The following MGAT5 variants were observed in gnomAD, a reference collection of about 807,000 sequenced individuals.
MGAT5 encodes the protein alpha-1,6-mannosylglycoprotein 6-beta-N-acetylglucosaminyltransferase A.
A neutral mutation model predicts 94.3 loss-of-function variants in MGAT5; 30 were observed. The ratio of observed to expected loss-of-function variants is 0.32; its 90% CI spans 0.24 to 0.43. The LOEUF (loss-of-function observed/expected upper bound fraction) is 0.43, where lower values mean the gene tolerates loss of function less well. Ranked by LOEUF, MGAT5 falls within the 20% of genes least tolerant of loss-of-function variation. The probability of loss-of-function intolerance (pLI) is 1.00; values close to 1 mark genes in which losing one functional copy is unlikely to be tolerated. For missense variants in MGAT5, 691 were observed against 905.5 expected (o/e 0.76, Z 3.04); for synonymous variants, 310 against 322.9 (o/e 0.96, Z 0.43).
chr2:134,423,179 G>C (rs1684392659), intron 13 of MGAT5, among the ~76,000 whole-genome samples: 1 of 152,196 alleles, frequency 6.6e-6, no homozygotes, highest in Admixed American at 6.5e-5. Flanking sequence ...CACAGGAGCA[G>C]GAACTGGAGT....
intron 5 of MGAT5, among the ~76,000 whole-genome samples, chr2:134,337,336 G>A (rs747831323): frequency 2.8e-4 from 43 of 152,150 alleles, no homozygotes; most frequent in Non-Finnish European, 4.0e-4. Flanking sequence ...CTAGCTGAGC[G>A]TGGTGGCGAG....
At chr2:134,396,957 GGGA>G (rs1682749803) in intron 10 of MGAT5, among the ~76,000 whole-genome samples, 1 of 152,238 alleles carries the variant, frequency 6.6e-6, no homozygotes, top group Non-Finnish European at 1.5e-5. Context: ...AAGAAAAGGA[GGGA>G]GGAGAGAAGG....
In MGAT5 at chr2:134,315,317, G is replaced by A. The variant is rs558205700; in HGVS notation, c.407-2212G>A. Among the ~76,000 whole-genome samples the A allele has an allele frequency of 6.6e-5, 10 of 152,272 alleles. No homozygotes were observed. In the South Asian group the frequency reaches 2.1e-3, roughly 32 times the overall value. On this transcript the variant is annotated intron_variant, in intron 2 of 15. Coordinates refer to ENST00000281923, the MANE Select transcript of MGAT5 (RefSeq NM_002410.5). ...TACCAACCCCAGGCTCTCATAGACTGTGCCTAATTTTGTGGAACCTCTGCT... is the reference window on the plus strand; with the variant it reads ...TACCAACCCCAGGCTCTCATAGACTATGCCTAATTTTGTGGAACCTCTGCT...
chr2:134,131,268 G>A (rs1410528929), intron 1 of MGAT5, among the ~76,000 whole-genome samples: 6 of 152,210 alleles, frequency 3.9e-5, no homozygotes, highest in Non-Finnish European at 8.8e-5. Flanking sequence ...AGGGTCCGCG[G>A]CTTCATTCTT....
chr2:134,444,524 C>T (rs60373617), intron 15 of MGAT5, among the ~76,000 whole-genome samples: 6,376 of 152,258 alleles, frequency 0.042, 167 homozygotes, highest in East Asian at 0.15. Flanking sequence ...GTTGTAAAAC[C>T]CCTGCTATCT....
At chr2:134,440,453 A>G (rs1558888934) in intron 14 of MGAT5, among the ~76,000 whole-genome samples, 1 of 152,034 alleles carries the variant, frequency 6.6e-6, no homozygotes, top group Non-Finnish European at 1.5e-5. Flanking sequence ...CCTGAGGTGA[A>G]CTGGCGTGTC....
At chr2:134,232,853 A>G (rs1282607447) in intron 1 of MGAT5, among the ~76,000 whole-genome samples, 1 of 152,166 alleles carries the variant, frequency 6.6e-6, no homozygotes, top group Non-Finnish European at 1.5e-5. Flanking sequence ...GTCTTCTTGT[A>G]TGTACATGTG....
chr2:134,371,143 G>A (rs1390940519), intron 10 of MGAT5, among the ~76,000 whole-genome samples: 6 of 152,086 alleles, frequency 3.9e-5, no homozygotes, highest in Non-Finnish European at 2.9e-5. Flanking sequence ...AGTTGGAGGC[G>A]GCTTGGGTGG....
intron 1 of MGAT5, among the ~76,000 whole-genome samples, chr2:134,228,245 T>G (rs1236910091): frequency 6.6e-6 from 1 of 152,160 alleles, no homozygotes; most frequent in Non-Finnish European, 1.5e-5. Flanking sequence ...AAGGTGTTTC[T>G]TGGAAGGGGA....
chr2:134,174,743 ATATCT>A (rs1386903647), intron 1 of MGAT5, among the ~76,000 whole-genome samples: 1 of 152,260 alleles, frequency 6.6e-6, no homozygotes, highest in Non-Finnish European at 1.5e-5. Flanking sequence ...TTGGTCAGTC[ATATCT>A]TATAAAAGGC....
rs570128770 is a variant in MGAT5 at position 134,352,078 on chromosome 2, C to G, written c.1246+2140C>G. On this transcript the variant is annotated intron_variant, in intron 9 of 15. Coordinates refer to ENST00000281923, the MANE Select transcript of MGAT5 (RefSeq NM_002410.5). ...ATTCTGATGGTGCAGTGAGCAAAAC[C>G]AGCCCTCTTCAACCCTAGTGGTTAG... Among the ~76,000 whole-genome samples, 16 of 152,262 alleles carry G rather than the reference C, an allele frequency of 1.1e-4. 1 individual carries two copies. The South Asian group carries it at 3.3e-3, about 32-fold the overall frequency.
intron 1 of MGAT5, among the ~76,000 whole-genome samples, chr2:134,266,008 A>C (rs2105601084): frequency 6.6e-6 from 1 of 151,822 alleles, no homozygotes; most frequent in Non-Finnish European, 1.5e-5. Flanking sequence ...TCTCTACTAA[A>C]AATACAAAAA....
At chr2:134,267,552 A>AGAT (rs3838496) in intron 1 of MGAT5, among the ~76,000 whole-genome samples, 11,235 of 152,270 alleles carry the variant, frequency 0.074, 541 homozygotes, top group East Asian at 0.16. Context: ...AATCTTTGGC[A>AGAT]GATGGGGTCA....
At chr2:134,191,747 C>T (rs1264113135) in intron 1 of MGAT5, among the ~76,000 whole-genome samples, 1 of 137,210 alleles carries the variant, frequency 7.3e-6, no homozygotes, top group Non-Finnish European at 1.6e-5. Context: ...TCCTCCTCCT[C>T]CTCCTTGCGC....
intron 10 of MGAT5, among the ~76,000 whole-genome samples, chr2:134,363,759 T>G (rs967355771): frequency 6.6e-6 from 1 of 152,244 alleles, no homozygotes; most frequent in Admixed American, 6.5e-5. Flanking sequence ...TCAAGTAAAA[T>G]GAAAGTCAGT....
At chr2:134,360,989 G>A (rs533954941) in intron 9 of MGAT5, among the ~76,000 whole-genome samples, 1 of 152,312 alleles carries the variant, frequency 6.6e-6, no homozygotes, top group African/African-American at 2.4e-5. Context: ...CACAGCTCAG[G>A]GCTTCCTGCC....
chr2:134,137,143 T>C lies in MGAT5; in HGVS notation c.-143+16852T>C, dbSNP rs557730351. ...CTAAATACACATTAACCCCCTGTTT[T>C]CCTCTTGGTATGCTTTAAGGTTATA... On this transcript the variant is annotated intron_variant, in intron 1 of 16. Transcript: ENST00000409645. Among the ~76,000 whole-genome samples, 4 of 152,358 alleles carry C rather than the reference T, an allele frequency of 2.6e-5. No individual in the cohort carries two copies. In the East Asian group the frequency reaches 7.7e-4, roughly 29 times the overall value.
At chr2:134,177,558 C>T (rs951146623) in intron 1 of MGAT5, among the ~76,000 whole-genome samples, 4 of 152,236 alleles carry the variant, frequency 2.6e-5, no homozygotes, top group African/African-American at 9.6e-5. Flanking sequence ...GCATTCCTCT[C>T]GCCTGCCCTT....
intron 1 of MGAT5, among the ~76,000 whole-genome samples, chr2:134,255,132 T>C (rs974006102): frequency 1.3e-5 from 2 of 152,190 alleles, no homozygotes; most frequent in Non-Finnish European, 2.9e-5. Context: ...TGCATGCTGG[T>C]GAGTTTTAAC....
Sources: gnomAD v4.1 joint callset for allele counts (sites outside exome capture counted in the v4.1 genomes callset) on GRCh38, gnomAD v4.1.1 for gene constraint, MANE v1.5 for transcripts, NCBI Gene and HGNC (gene_info 2026-07-23, HGNC 2026-07-21) for gene names.